Variants in DAND5 observed in about 807,000 individuals in gnomAD.
DAND5 encodes the protein DAN domain family member 5.
DAND5 carries 8 observed loss-of-function variants against 9.2 expected under a neutral mutation model. The ratio of observed to expected loss-of-function variants is 0.87; its 90% CI spans 0.51 to 1.56. The LOEUF (loss-of-function observed/expected upper bound fraction) is 1.56, where lower values mean the gene tolerates loss of function less well. DAND5 is among the 40% of genes most tolerant of loss of function. The pLI, the probability that DAND5 is intolerant of heterozygous loss-of-function variation, is 0.00. For missense variants in DAND5, 244 were observed against 244.7 expected (o/e 1.00, Z 0.02); for synonymous variants, 95 against 101.1 (o/e 0.94, Z 0.36).
Position 12,973,408 on chromosome 19 carries a change from G to C in DAND5, c.344G>C (p.Cys115Ser). 2 of 1,614,072 alleles carry C rather than the reference G, an allele frequency of 1.2e-6. No homozygotes were observed. The highest frequency in any genetic ancestry group is 1.7e-6 in the Non-Finnish European group (2 of 1,180,032). ...PFVQVFSRPG[C>S]SAIRLRNHLC... ...CCCCAGGTGTTCTCCCGGCCCGGCT[G>C]CTCAGCCATACGCCTCCGAAATCAT... Residue 115 changes from cysteine to serine, a missense_variant, in exon 2 of 2, where the codon TGC becomes TCC. Transcript: ENST00000317060.
rs1223317863 is a variant in DAND5, at chr19:12,974,269, C to T, written c.*635C>T. The T allele has an allele frequency of 3.9e-5, 6 of 152,428 alleles. No individual in the cohort carries two copies. In the East Asian group the frequency reaches 1.2e-3, roughly 29 times the overall value. 9.4% of individuals were successfully genotyped at this position (152,428 alleles called of 1,614,324 possible). ...GAGTAGCTGGGACTACAGGCACCCG[C>T]CACCATGCCCAGCTAATTTTTGTAT... On this transcript the variant is annotated 3_prime_UTR_variant, in exon 2 of 2. Coordinates refer to ENST00000317060, the MANE Select transcript of DAND5 (RefSeq NM_152654.3).
intron 1 of DAND5, among the ~76,000 whole-genome samples, chr19:12,972,012 T>G (rs2011147626): frequency 6.6e-6 from 1 of 151,902 alleles, no homozygotes; most frequent in Non-Finnish European, 1.5e-5. Flanking sequence ...TGCCTCAGCC[T>G]TCTGAGTAGC....
chr19:12,972,781 T>A (rs976877758), intron 1 of DAND5, among the ~76,000 whole-genome samples: 1 of 151,412 alleles, frequency 6.6e-6, no homozygotes, highest in African/African-American at 2.4e-5. Context: ...CCTGAAGTGA[T>A]CCGCCCACCT....
intron 1 of DAND5, chr19:12,970,460 T>A: frequency 1.4e-6 from 1 of 701,862 alleles, no homozygotes; most frequent in Non-Finnish European, 2.6e-6. Context: ...GACACGGGAG[T>A]CTCGCTATGT....
intron 1 of DAND5, 138 bp from the exon 2 acceptor site, chr19:12,973,251 G>A (rs534983301): frequency 3.6e-5 from 43 of 1,203,892 alleles, no homozygotes; most frequent in Non-Finnish European, 4.8e-5. Flanking sequence ...AGAGACAGCA[G>A]AGTCAGGATT....
Position 12,974,684 on chromosome 19 carries a change from C to G in DAND5, c.*1050C>G, listed in dbSNP as rs190938539. 6.5e-6 allele frequency: 1 copy of G among 152,802 alleles called. No homozygotes were observed. Among genetic ancestry groups the G allele is most frequent in the South Asian group, 2.1e-4 (1 of 4,840 alleles). 9.5% of individuals were successfully genotyped at this position (152,802 alleles called of 1,614,324 possible). On this transcript the variant is annotated 3_prime_UTR_variant, in exon 2 of 2. Transcript: ENST00000317060. ...GGTGCTGTGTCCCTCTCAGACCCCC[C>G]ACCTGAGTCTCCACAGAGCCCCACG...
At position 12,973,427 on chromosome 19, in the gene DAND5, A is replaced by T. The variant is rs768279785; in HGVS notation, c.363A>T (p.Arg121=). 1.2e-6 allele frequency: 2 copies of T among 1,613,964 alleles called. No individual in the cohort carries two copies. Among genetic ancestry groups the T allele is most frequent in the Non-Finnish European group, 1.7e-6 (2 of 1,179,974 alleles). The change falls in exon 2 of 2, where the codon CGA becomes CGT. Residue 121 remains arginine (R), a synonymous_variant. Transcript: ENST00000317060. ...CCGGCTGCTCAGCCATACGCCTCCG[A>T]AATCATCTGTGCTTTGGTCATTGCT... The part of the protein sequence containing the change: ...SRPGCSAIRL[R]NHLCFGHCSS...
At position 12,973,997 on chromosome 19, in the gene DAND5, G is replaced by C. The variant is rs1053513910; in HGVS notation, c.*363G>C. On this transcript the variant is annotated 3_prime_UTR_variant, in exon 2 of 2. Coordinates refer to ENST00000317060, the MANE Select transcript of DAND5 (RefSeq NM_152654.3). ...CCTGTCTCAGCCTCCCGAGTAGCTG[G>C]GACTACAGGCACCCGCCAACACGCC... 1 of 211,254 alleles carries C rather than the reference G, an allele frequency of 4.7e-6. No homozygotes were observed. The highest frequency in any genetic ancestry group is 5.3e-5 in the Admixed American group (1 of 19,008). The allele number at this position is 211,254 out of a possible 1,614,324, so 13.1% of individuals were successfully genotyped here.
At chr19:12,973,359 C>T (rs1203797746) in intron 1 of DAND5, 30 bp from the exon 2 acceptor site, 2 of 1,608,930 alleles carry the variant, frequency 1.2e-6, no homozygotes, top group African/African-American at 2.7e-5. Flanking sequence ...AACTCCGCCA[C>T]CCTGACCGTC....
In DAND5 at chr19:12,973,875, T is replaced by C; in HGVS notation, c.*241T>C. ...GATTGACAACTCACTTTTTTTTTTT[T>C]TTTTTGAGATGGAGTCTCGCTCTGT... On this transcript the variant is annotated 3_prime_UTR_variant, in exon 2 of 2. Coordinates refer to ENST00000317060, the MANE Select transcript of DAND5 (RefSeq NM_152654.3). 1.9e-6 allele frequency: 1 copy of C among 514,390 alleles called. No homozygotes were observed. The highest frequency in any genetic ancestry group is 3.3e-6 in the Non-Finnish European group (1 of 299,964). The allele number at this position is 514,390 out of a possible 1,614,324, so 31.9% of individuals were successfully genotyped here. A position where few individuals can be genotyped will look rare whatever the true frequency, so the allele number is the denominator to read the frequency against.
intron 1 of DAND5, among the ~76,000 whole-genome samples, chr19:12,972,861 CTTTTTTT>C (rs1212086930): frequency 9.5e-6 from 1 of 104,714 alleles, no homozygotes; most frequent in African/African-American, 3.6e-5. Context: ...AATTTCTTTT[CTTTTTTT>C]TTTTTTTTTT....
At chr19:12,970,496 G>T in intron 1 of DAND5, 1 of 700,128 alleles carries the variant, frequency 1.4e-6, no homozygotes, top group Non-Finnish European at 2.6e-6. Context: ...TGAGCTTCTG[G>T]CCTCAAGCAA....
chr19:12,970,304 A>G (rs2011139795), intron 1 of DAND5: 5 of 609,548 alleles, frequency 8.2e-6, no homozygotes, highest in Non-Finnish European at 1.5e-5. Flanking sequence ...CAAAAGCCCA[A>G]GTCCTCTTCA....
At chr19:12,972,856 CTTTTCTTTTT>C (rs1213137705) in intron 1 of DAND5, among the ~76,000 whole-genome samples, 3 of 116,858 alleles carry the variant, frequency 2.6e-5, no homozygotes, top group Non-Finnish European at 3.7e-5. Flanking sequence ...TGTTGAATTT[CTTTTCTTTTT>C]TTTTTTTTTT....
At position 12,973,812 on chromosome 19, in the gene DAND5, G is replaced by A. The variant is rs10411617; in HGVS notation, c.*178G>A. 9.2e-3 allele frequency: 7,727 copies of A among 841,840 alleles called. 414 individuals are homozygous for A. The African/African-American group carries it at 0.12, about 13-fold the overall frequency. The allele number at this position is 841,840 out of a possible 1,614,324, so 52.1% of individuals were successfully genotyped here. A position where few individuals can be genotyped will look rare whatever the true frequency, so the allele number is the denominator to read the frequency against. ...TCCCCAGACAGTAGACACAGTGCCC[G>A]TCCTGGAGTTGCACCACTGATAGTC... is the stretch of plus-strand genomic sequence containing the variant. On this transcript the variant is annotated 3_prime_UTR_variant, in exon 2 of 2. Transcript: ENST00000317060.
chr19:12,974,536 A>AC lies in DAND5; in HGVS notation c.*902_*903insC, dbSNP rs1389215189. Reference sequence around the variant, plus strand: ...CCTAGGGACACCAAAAAAGAAAAAAAAAAAAACCCAAACCAAAAACGCAAA... The same window carrying AC: ...CCTAGGGACACCAAAAAAGAAAAAAACAAAAAACCCAAACCAAAAACGCAAA... On this transcript the variant is annotated 3_prime_UTR_variant, in exon 2 of 2. Transcript: ENST00000317060. 1 of 151,212 alleles carries AC rather than the reference A, an allele frequency of 6.6e-6. No homozygotes were observed. The highest frequency in any genetic ancestry group is 1.5e-5 in the Non-Finnish European group (1 of 67,872). The allele number at this position is 151,212 out of a possible 1,614,324, so 9.4% of individuals were successfully genotyped here.
intron 1 of DAND5, among the ~76,000 whole-genome samples, chr19:12,970,924 G>A (rs1463674886): frequency 3.3e-5 from 5 of 152,052 alleles, no homozygotes; most frequent in African/African-American, 7.2e-5. Flanking sequence ...CAGGTGACCC[G>A]CCTGCCTCGG....
chr19:12,970,639 C>CTTTCTTTCTT lies in DAND5; in HGVS notation c.324+656_324+657insTTCTTTCTTT, dbSNP rs59091638. 3 of 458,764 alleles carry CTTTCTTTCTT rather than the reference C, an allele frequency of 6.5e-6. No homozygotes were observed. In the African/African-American group the frequency reaches 6.6e-5, roughly 10 times the overall value. 28.4% of individuals were successfully genotyped at this position (458,764 alleles called of 1,614,324 possible). ...TTTCTTTCTTTGTTTTTCTTTTTTT[C>CTTTCTTTCTT]TCTTTCTTTCTTTCTTTCTTTCCTT... On this transcript the variant is annotated intron_variant, in intron 1 of 1. Coordinates refer to ENST00000317060, the MANE Select transcript of DAND5 (RefSeq NM_152654.3).
chr19:12,973,181 T>C (rs1250692605), intron 1 of DAND5, among the ~76,000 whole-genome samples: 1 of 152,194 alleles, frequency 6.6e-6, no homozygotes, highest in Non-Finnish European at 1.5e-5. Context: ...TTTCAATGAT[T>C]TTCCAGGTGA....
Sources: allele counts gnomAD v4.1 joint callset (sites outside exome capture counted in the v4.1 genomes callset), GRCh38; gene constraint gnomAD v4.1.1; transcripts MANE v1.5; gene names NCBI Gene and HGNC (gene_info 2026-07-23, HGNC 2026-07-21).